Variants in NBPF12 observed in about 807,000 individuals in gnomAD.
NBPF12 encodes the protein NBPF member 12, also known as NBPF family member NBPF12.
Under a neutral mutation model 146.4 loss-of-function variants are expected in NBPF12, and 115 were observed. That is an observed-to-expected ratio of 0.79 (90% CI 0.68 to 0.92). NBPF12 has a LOEUF of 0.92. Among genes scored for constraint, NBPF12 ranks in the 40% least tolerant of loss-of-function variants. The probability of loss-of-function intolerance (pLI) is 0.00; values close to 1 mark genes in which losing one functional copy is unlikely to be tolerated. For synonymous variants in NBPF12, 385 were observed against 508.9 expected (o/e 0.76, Z 3.28); for missense variants, 1,205 against 1,326.8 (o/e 0.91, Z 1.43).
At chr1:146,939,105 G>T (rs1365924273) in intron 1 of NBPF12, 93 bp downstream of exon 1, 1 of 152,178 alleles carries the variant, frequency 6.6e-6, no homozygotes, top group Non-Finnish European at 1.5e-5. Flanking sequence ...GGTTGCGCCG[G>T]GCACTGCCGG....
At position 146,972,699 on chromosome 1, in the gene NBPF12, T is replaced by A. The variant is rs1314579900; in HGVS notation, c.1592-52T>A. 2.9e-6 allele frequency: 4 copies of A among 1,371,936 alleles called. No homozygotes were observed. In the African/African-American group the frequency reaches 5.8e-5, roughly 20 times the overall value. 85.0% of individuals were successfully genotyped at this position (1,371,936 alleles called of 1,614,324 possible). Reference sequence around the variant, plus strand: ...CATCCCTCAGTCCTGATTAAGCCTATTTCATTTCATCAGTTTTTAACCCAT... The same window carrying A: ...CATCCCTCAGTCCTGATTAAGCCTAATTCATTTCATCAGTTTTTAACCCAT... On this transcript the variant is annotated intron_variant, in intron 13 of 33. Transcript: ENST00000617844.
In NBPF12 at chr1:146,954,703, GA is replaced by G. The variant is rs1553884200; in HGVS notation, c.-184+3216del. On this transcript the variant is annotated intron_variant, in intron 2 of 33. Coordinates refer to ENST00000617844, the Ensembl canonical transcript of NBPF12. ...AGCAATATTATAAAAGAATAATGGT[GA>G]ATGAATTCACTACCTATTTCCAGAA... is the stretch of plus-strand genomic sequence containing the variant. Among the ~76,000 whole-genome samples the G allele has an allele frequency of 2.8e-3, 419 of 149,882 alleles. 4 individuals are homozygous for G. Among genetic ancestry groups the G allele is most frequent in the African/African-American group, 9.8e-3 (400 of 41,006 alleles).
At position 146,972,972 on chromosome 1, in the gene NBPF12, A is replaced by T; in HGVS notation, c.1801+12A>T. On this transcript the variant is annotated intron_variant, in intron 14 of 33. Coordinates refer to ENST00000617844, the Ensembl canonical transcript of NBPF12. ...GCAGAACAAATACAGTAAGATCTAT[A>T]TGCTCACCATCATGAAAGTGATGAA... 2.2e-6 allele frequency: 2 copies of T among 910,108 alleles called. No homozygotes were observed. The allele number at this position is 910,108 out of a possible 1,614,324, so 56.4% of individuals were successfully genotyped here.
chr1:146,986,127 G>C (rs1657743108), intron 23 of NBPF12, among the ~76,000 whole-genome samples: 1 of 151,576 alleles, frequency 6.6e-6, no homozygotes, highest in Admixed American at 6.6e-5. Context: ...AATTCGCTGA[G>C]CTCACTTTCT....
At chr1:146,961,605 C>A (rs1383452037) in intron 4 of NBPF12, among the ~76,000 whole-genome samples, 83 of 151,118 alleles carry the variant, frequency 5.5e-4, no homozygotes, top group African/African-American at 1.9e-3. Flanking sequence ...AGTATTTGGG[C>A]ATATTTCCTT....
exon 34 of NBPF12, chr1:146,994,406 C>T (rs1658402582): frequency 6.2e-7 from 1 of 1,612,322 alleles, no homozygotes; most frequent in Non-Finnish European, 8.5e-7. Context: ...TATTCGACTC[C>T]ATCAATGTAC....
chr1:146,971,282 G>T, exon 13 of NBPF12: 1 of 1,612,306 alleles, frequency 6.2e-7, no homozygotes, highest in Non-Finnish European at 8.5e-7. Context: ...ACTCCAACCA[G>T]CCTCACAAGA....
At chr1:146,940,461 G>A (rs1168327756) in intron 1 of NBPF12, among the ~76,000 whole-genome samples, 2 of 151,782 alleles carry the variant, frequency 1.3e-5, no homozygotes, top group Non-Finnish European at 2.9e-5. Context: ...AAAATTAGCT[G>A]TGTGTGGTCA....
chr1:146,982,833 T>G, intron 19 of NBPF12, 95 bp from the exon 23 acceptor site: 1 of 1,437,044 alleles, frequency 7.0e-7, no homozygotes, highest in Non-Finnish European at 9.7e-7. Flanking sequence ...CTGTGACCAC[T>G]CCATTCTGTC....
At chr1:146,951,233 C>A (rs1351299663) in intron 1 of NBPF12, 115 bp from the exon 5 acceptor site, 9 of 651,608 alleles carry the variant, frequency 1.4e-5, no homozygotes, top group Non-Finnish European at 2.2e-5. Flanking sequence ...TCAGGCCACA[C>A]AGGGCACTCA....
intron 21 of NBPF12, among the ~76,000 whole-genome samples, chr1:146,984,486 C>A (rs1466155516): frequency 1.3e-5 from 2 of 150,466 alleles, no homozygotes; most frequent in Non-Finnish European, 2.9e-5. Flanking sequence ...TTTTCATGAT[C>A]ACTGTTCACT....
chr1:146,963,641 C>G (rs1656006925), intron 6 of NBPF12, among the ~76,000 whole-genome samples: 1 of 151,854 alleles, frequency 6.6e-6, no homozygotes, highest in Non-Finnish European at 1.5e-5. Flanking sequence ...TGAAGGTTCC[C>G]AGGCTGTCTT....
At chr1:146,994,651 T>C (rs1440278542) in exon 34 of NBPF12, 16 of 1,575,880 alleles carry the variant, frequency 1.0e-5, no homozygotes, top group Admixed American at 7.1e-5. Context: ...AATGAAACTA[T>C]AGTTCCATTT....
exon 12 of NBPF12, chr1:146,970,701 T>A: frequency 7.2e-7 from 1 of 1,382,098 alleles, no homozygotes; most frequent in African/African-American, 1.4e-5. Flanking sequence ...GAGAAAGTGC[T>A]GGAATCATCT....
intron 5 of NBPF12, 50 bp from the exon 9 acceptor site, chr1:146,963,045 G>A: frequency 2.5e-6 from 4 of 1,608,876 alleles, no homozygotes; most frequent in Non-Finnish European, 3.4e-6. Flanking sequence ...TATTTGAACG[G>A]ATCACTCAAC....
intron 31 of NBPF12, among the ~76,000 whole-genome samples, chr1:146,992,478 G>A (rs1350917467): frequency 9.7e-5 from 11 of 112,830 alleles, no homozygotes; most frequent in Non-Finnish European, 1.8e-4. Context: ...GTGTGTGTGT[G>A]TGTGTGTGTG....
chr1:146,944,962 CCCTTCCTCCCTCCCTCCCTGCCTT>C (rs1654965708), upstream of NBPF12, among the ~76,000 whole-genome samples: 1 of 63,962 alleles, frequency 1.6e-5, no homozygotes, highest in African/African-American at 8.7e-5. Context: ...CTTCCTCCCT[CCCTTCCTCCCTCCCTCCCTGCCTT>C]CCTTCCTCCC....
intron 6 of NBPF12, among the ~76,000 whole-genome samples, chr1:146,963,820 G>A (rs2101852455): frequency 6.8e-6 from 1 of 146,074 alleles, no homozygotes; most frequent in Admixed American, 6.9e-5. Flanking sequence ...TCCATGTGGT[G>A]TTGGAGAAGG....
rs1411788359 is a variant in NBPF12 at position 146,964,430 on chromosome 1, G to A, written c.566+1G>A. Reference sequence around the variant, plus strand: ...AAGTACTGGAATCATCTGCCCCCAGGTAACACTGAATACTCAGGAGCAAGT... The same window carrying A: ...AAGTACTGGAATCATCTGCCCCCAGATAACACTGAATACTCAGGAGCAAGT... On this transcript the variant is annotated splice_donor_variant, in intron 7 of 33. Coordinates refer to ENST00000617844, the Ensembl canonical transcript of NBPF12. LOFTEE classifies it high-confidence loss of function. The A allele has an allele frequency of 3.1e-6, 5 of 1,600,940 alleles. No individual in the cohort carries two copies. The African/African-American group carries it at 5.4e-5, about 17-fold the overall frequency.
Sources: allele counts gnomAD v4.1 joint callset (sites outside exome capture counted in the v4.1 genomes callset), GRCh38; gene constraint gnomAD v4.1.1; transcripts MANE v1.5; gene names NCBI Gene and HGNC (gene_info 2026-07-23, HGNC 2026-07-21).